The following ZNF280D variants were observed in gnomAD, a reference collection of about 807,000 sequenced individuals.
The protein encoded by ZNF280D is zinc finger protein 280D, also known as suppressor of hairy wing homolog 4.
A neutral mutation model predicts 94.7 loss-of-function variants in ZNF280D; 39 were observed. The observed-to-expected ratio is 0.41, with a 90% CI of 0.32 to 0.54. The LOEUF is 0.54. Among genes scored for constraint, ZNF280D ranks in the 20% least tolerant of loss-of-function variants. ZNF280D has a pLI of 0.22. For missense variants in ZNF280D, 1,090 were observed against 1,149.3 expected (o/e 0.95, Z 0.75); for synonymous variants, 398 against 377.6 (o/e 1.05, Z -0.63).
rs1047463021 is a variant in ZNF280D, at chr15:56,677,554, A to C, written c.1263+20T>G. 7.1e-6 allele frequency: 11 copies of C among 1,549,784 alleles called. No individual in the cohort carries two copies. Among genetic ancestry groups the C allele is most frequent in the Middle Eastern group, 4.1e-4 (2 of 4,928 alleles). ...ACAAACAAACCAAACACTTAAAAAA[A>C]CAATAAAATGTATGTGTACCTGGCA... On this transcript the variant is annotated intron_variant, in intron 12 of 21. Transcript: ENST00000267807.
At chr15:56,688,090 C>T (rs1321896477) in intron 9 of ZNF280D, among the ~76,000 whole-genome samples, 1 of 151,858 alleles carries the variant, frequency 6.6e-6, no homozygotes, top group Non-Finnish European at 1.5e-5. Context: ...GAGTACAGAC[C>T]ATCTCTACAC....
chr15:56,669,875 A>T (rs1342747029), intron 13 of ZNF280D, among the ~76,000 whole-genome samples: 15 of 4,694 alleles, frequency 3.2e-3, no homozygotes, highest in East Asian at 0.013. Context: ...TATATATTTT[A>T]TATATATATA....
chr15:56,706,514 G>A (rs1328862933), intron 3 of ZNF280D, among the ~76,000 whole-genome samples: 5 of 151,650 alleles, frequency 3.3e-5, no homozygotes, highest in Non-Finnish European at 1.5e-5. Context: ...ACGAGAAGAT[G>A]GCCATCTACA....
intron 1 of ZNF280D, among the ~76,000 whole-genome samples, chr15:56,732,437 T>G (rs545719654): frequency 3.3e-5 from 5 of 152,316 alleles, no homozygotes; most frequent in African/African-American, 4.8e-5. Context: ...TGGAGACAGC[T>G]GGAGTTGGCA....
chr15:56,733,317 C>G, intron 1 of ZNF280D, 141 bp downstream of exon 1: 1 of 347,768 alleles, frequency 2.9e-6, no homozygotes, highest in Non-Finnish European at 4.0e-6. Flanking sequence ...GGTCTCCTCC[C>G]CCGCGCTCTG....
At chr15:56,720,040 T>C (rs2058269291) in intron 1 of ZNF280D, among the ~76,000 whole-genome samples, 1 of 152,128 alleles carries the variant, frequency 6.6e-6, no homozygotes, top group Non-Finnish European at 1.5e-5. Context: ...GGCAATTTCT[T>C]AAAATAAGAC....
intron 20 of ZNF280D, among the ~76,000 whole-genome samples, chr15:56,639,847 G>C (rs1467720225): frequency 6.6e-6 from 1 of 152,078 alleles, no homozygotes; most frequent in African/African-American, 2.4e-5. Flanking sequence ...CAATACAAGG[G>C]AGTGGCAAAG....
chr15:56,676,978 C>T (rs2055275457), intron 12 of ZNF280D, among the ~76,000 whole-genome samples, 162 bp from the exon 13 acceptor site: 1 of 152,142 alleles, frequency 6.6e-6, no homozygotes, highest in Non-Finnish European at 1.5e-5. Flanking sequence ...ACCAAAAGAC[C>T]ATCTTTGAGA....
intron 20 of ZNF280D, among the ~76,000 whole-genome samples, chr15:56,642,733 TA>T (rs2052688807): frequency 2.0e-5 from 3 of 151,782 alleles, no homozygotes; most frequent in Non-Finnish European, 4.4e-5. Context: ...AAGTGAAATA[TA>T]AGATGTCTTT....
At chr15:56,659,795 C>T (rs2053808061) in intron 16 of ZNF280D, among the ~76,000 whole-genome samples, 1 of 151,646 alleles carries the variant, frequency 6.6e-6, no homozygotes, top group Non-Finnish European at 1.5e-5. Context: ...CAGTGATTCA[C>T]ACACACGCTA....
At chr15:56,647,034 A>G (rs1308239327) in intron 19 of ZNF280D, among the ~76,000 whole-genome samples, 2 of 152,200 alleles carry the variant, frequency 1.3e-5, no homozygotes, top group African/African-American at 4.8e-5. Context: ...GAAACTGAAA[A>G]CATACAAGAG....
intron 16 of ZNF280D, among the ~76,000 whole-genome samples, chr15:56,659,461 A>G (rs2053773441): frequency 6.6e-6 from 1 of 152,116 alleles, no homozygotes; most frequent in African/African-American, 2.4e-5. Flanking sequence ...TAAGAGAGAC[A>G]GACTACGTTC....
At chr15:56,664,384 T>C (rs142151332) in intron 16 of ZNF280D, among the ~76,000 whole-genome samples, 2 of 152,252 alleles carry the variant, frequency 1.3e-5, no homozygotes, top group African/African-American at 4.8e-5. Context: ...AAAATGTTTG[T>C]AAGCAGAAGG....
intron 1 of ZNF280D, among the ~76,000 whole-genome samples, chr15:56,726,757 T>A (rs534962297): frequency 2.1e-4 from 32 of 152,368 alleles, no homozygotes; most frequent in Non-Finnish European, 3.7e-4. Flanking sequence ...AAATATTGCA[T>A]CAATTTTCAA....
intron 4 of ZNF280D, among the ~76,000 whole-genome samples, chr15:56,703,202 G>A (rs1245492016): frequency 6.6e-6 from 1 of 152,164 alleles, no homozygotes; most frequent in Non-Finnish European, 1.5e-5. Context: ...AAGGTACCAA[G>A]TTGTTCTGCC....
At chr15:56,647,591 G>T (rs1466084973) in intron 19 of ZNF280D, among the ~76,000 whole-genome samples, 8 of 152,128 alleles carry the variant, frequency 5.3e-5, no homozygotes, top group African/African-American at 1.9e-4. Flanking sequence ...GAGTGCAGTG[G>T]TATGATCACG....
intron 1 of ZNF280D, among the ~76,000 whole-genome samples, chr15:56,715,802 T>C (rs943633973): frequency 6.6e-6 from 1 of 152,168 alleles, no homozygotes; most frequent in African/African-American, 2.4e-5. Flanking sequence ...AGGTCATTTA[T>C]TCCAGAAGTG....
intron 7 of ZNF280D, among the ~76,000 whole-genome samples, chr15:56,690,103 C>T (rs1427853815): frequency 1.1e-4 from 16 of 152,258 alleles, no homozygotes; most frequent in South Asian, 1.0e-3. Flanking sequence ...GACACATAGG[C>T]CAGGCACGGT....
intron 13 of ZNF280D, among the ~76,000 whole-genome samples, chr15:56,673,293 C>T (rs1200353412): frequency 6.6e-6 from 1 of 151,940 alleles, no homozygotes; most frequent in Non-Finnish European, 1.5e-5. Flanking sequence ...AAAATCTGTT[C>T]CTTATTCAGT....
Sources: gnomAD v4.1 joint callset for allele counts (sites outside exome capture counted in the v4.1 genomes callset) on GRCh38, gnomAD v4.1.1 for gene constraint, MANE v1.5 for transcripts, NCBI Gene and HGNC (gene_info 2026-07-23, HGNC 2026-07-21) for gene names.